The following NRAP variants were observed in gnomAD, a reference collection of about 807,000 sequenced individuals.
NRAP encodes nebulin related anchoring protein.
In NRAP, 189 loss-of-function variants were observed where a neutral mutation model predicts 225.9. The ratio of observed to expected loss-of-function variants is 0.84; its 90% CI spans 0.74 to 0.94. The LOEUF (loss-of-function observed/expected upper bound fraction) is 0.94, where lower values mean the gene tolerates loss of function less well. Ranked by LOEUF, NRAP falls within the 40% of genes least tolerant of loss-of-function variation. NRAP has a pLI of 0.00. For missense variants in NRAP, 2,176 were observed against 2,168.7 expected, an observed-to-expected ratio of 1.00 and a Z score of -0.07; for synonymous variants, 769 against 790.7, an observed-to-expected ratio of 0.97 and a Z score of 0.46.
At chr10:113,647,446 TCCC>T in intron 9 of NRAP, among the ~76,000 whole-genome samples, 2 of 149,530 alleles carry the variant, frequency 1.3e-5, no homozygotes, top group Admixed American at 1.3e-4. Flanking sequence ...TGGTACTGTC[TCCC>T]CCGGTGGTAC....
chr10:113,598,578 T>C (rs1222780292), intron 35 of NRAP, among the ~76,000 whole-genome samples: 2 of 152,114 alleles, frequency 1.3e-5, no homozygotes, highest in African/African-American at 2.4e-5. Flanking sequence ...ACAACCCCTC[T>C]GTTCTCATAA....
chr10:113,614,592 G>A (rs768845144), intron 28 of NRAP, among the ~76,000 whole-genome samples: 82 of 152,302 alleles, frequency 5.4e-4, no homozygotes, highest in Admixed American at 1.6e-3. Context: ...CACCTCGGTG[G>A]AGGGTGCATT....
intron 14 of NRAP, among the ~76,000 whole-genome samples, chr10:113,638,925 G>C (rs1849031989): frequency 6.6e-6 from 1 of 152,044 alleles, no homozygotes; most frequent in African/African-American, 2.4e-5. Context: ...TTGACTCAGA[G>C]TCTTATCTAG....
chr10:113,622,990 T>G (rs923798600), intron 23 of NRAP, among the ~76,000 whole-genome samples: 32 of 152,216 alleles, frequency 2.1e-4, no homozygotes, highest in African/African-American at 7.7e-4. Flanking sequence ...TTCTCTCACA[T>G]CCAACTCCTA....
intron 25 of NRAP, among the ~76,000 whole-genome samples, chr10:113,618,499 C>A (rs1297577917): frequency 2.0e-5 from 3 of 152,268 alleles, no homozygotes; most frequent in African/African-American, 7.2e-5. Flanking sequence ...CATTTTCCAG[C>A]TAGTTGTGAC....
chr10:113,633,783 C>T (rs1848704328), intron 15 of NRAP, among the ~76,000 whole-genome samples: 1 of 152,102 alleles, frequency 6.6e-6, no homozygotes, highest in Admixed American at 6.6e-5. Flanking sequence ...TTACAGATTA[C>T]ATTATACAAT....
chr10:113,634,255 A>G (rs2134053950), intron 14 of NRAP, 45 bp from the exon 15 acceptor site: 1 of 1,388,186 alleles, frequency 7.2e-7, no homozygotes, highest in Admixed American at 1.7e-5. Flanking sequence ...CTCTTTTCTC[A>G]AAGATTTGCT....
intron 41 of NRAP, 148 bp from the exon 42 acceptor site, chr10:113,589,227 G>A (rs1011768227): frequency 1.6e-6 from 1 of 626,860 alleles, no homozygotes; most frequent in Admixed American, 3.1e-5. Context: ...CCCTCCCCAA[G>A]AAAAAGGGCC....
chr10:113,634,897 C>T (rs981894288), intron 14 of NRAP, among the ~76,000 whole-genome samples: 4 of 152,220 alleles, frequency 2.6e-5, no homozygotes, highest in Non-Finnish European at 5.9e-5. Context: ...GCATCAGCGA[C>T]TCCTTGTAGG....
chr10:113,593,306 G>A (rs1215368448), intron 38 of NRAP, among the ~76,000 whole-genome samples: 8 of 152,138 alleles, frequency 5.3e-5, no homozygotes, highest in African/African-American at 1.7e-4. Context: ...GTTCTACGGG[G>A]GATTGGGGGG....
At chr10:113,593,096 C>G (rs1320515807) in intron 38 of NRAP, among the ~76,000 whole-genome samples, 1 of 151,986 alleles carries the variant, frequency 6.6e-6, no homozygotes, top group African/African-American at 2.4e-5. Flanking sequence ...AAGGAGGCAT[C>G]TGGAGATCCC....
At chr10:113,640,680 G>A (rs1231238965) in intron 13 of NRAP, among the ~76,000 whole-genome samples, 2 of 152,012 alleles carry the variant, frequency 1.3e-5, no homozygotes, top group Non-Finnish European at 2.9e-5. Context: ...AGAGTCTTCA[G>A]AGTATTTAAT....
At chr10:113,619,394 G>A (rs1383808908) in intron 25 of NRAP, among the ~76,000 whole-genome samples, 1 of 152,060 alleles carries the variant, frequency 6.6e-6, no homozygotes, top group African/African-American at 2.4e-5. Flanking sequence ...TTATAGCAGT[G>A]CTATCCCCAT....
In NRAP at chr10:113,660,376, T is replaced by A. The variant is rs112935876; in HGVS notation, c.255+2303A>T. Among the ~76,000 whole-genome samples, 124 of 152,064 alleles carry A rather than the reference T, an allele frequency of 8.2e-4. 1 individual carries two copies. Among genetic ancestry groups the A allele is most frequent in the Admixed American group, 2.2e-3 (33 of 15,256 alleles). ...CACACTCTCCGGATGCACACACACA[T>A]ATATATACACATATATATACACACA... On this transcript the variant is annotated intron_variant, in intron 3 of 41. Transcript: ENST00000359988.
Position 113,623,552 on chromosome 10 carries a change from C to A in NRAP, c.2434G>T (p.Ala812Ser), listed in dbSNP as rs1848119925. 1 of 1,613,666 alleles carries A rather than the reference C, an allele frequency of 6.2e-7. No homozygotes were observed. Among genetic ancestry groups the A allele is most frequent in the South Asian group, 1.1e-5 (1 of 91,036 alleles). ...LDSLTFLAAK[A>S]KRDLASEVKY... ...ACCTCGCTAGCCAGGTCCCTCTTGG[C>A]TTTGGCTGCCAGGAAGGTCAAGGAA... is the stretch of plus-strand genomic sequence containing the variant. Residue 812 changes from alanine to serine, a missense_variant, in exon 23 of 42, where the codon GCC becomes TCC. Around this residue, in one of 3 missense-constraint regions of NRAP, gnomAD observed 1,708 missense variants for 1,695.5 expected, o/e 1.01. Coordinates refer to ENST00000359988, the MANE Select transcript of NRAP (RefSeq NM_198060.4).
intron 14 of NRAP, among the ~76,000 whole-genome samples, chr10:113,639,091 C>CAAAAAAAAAAAAAAAAAA (rs60509891): frequency 8.6e-6 from 1 of 115,820 alleles, no homozygotes; most frequent in Non-Finnish European, 1.8e-5. Flanking sequence ...ATGTATATAG[C>CAAAAAAAAAAAAAAAAAA]AAAAAAAAAA....
chr10:113,644,954 TAGGGCATGAGA>T (rs1311239103), intron 11 of NRAP, among the ~76,000 whole-genome samples: 3 of 152,116 alleles, frequency 2.0e-5, no homozygotes, highest in African/African-American at 7.2e-5. Flanking sequence ...AAGAACACAC[TAGGGCATGAGA>T]AGGATATGAG....
chr10:113,663,713 C>A, intron 1 of NRAP, 98 bp downstream of exon 1: 1 of 885,502 alleles, frequency 1.1e-6, no homozygotes, highest in Non-Finnish European at 1.9e-6. Context: ...AACAATTTAA[C>A]TGAAAATTAA....
At chr10:113,614,337 T>C in intron 28 of NRAP, 41 bp from the exon 29 acceptor site, 1 of 1,328,394 alleles carries the variant, frequency 7.5e-7, no homozygotes, top group Non-Finnish European at 1.1e-6. Flanking sequence ...AGCTCAGGGA[T>C]AAGGGACACA....
Sources: allele counts gnomAD v4.1 joint callset (sites outside exome capture counted in the v4.1 genomes callset), GRCh38; gene constraint gnomAD v4.1.1; regional missense constraint gnomAD v4.1.1; transcripts MANE v1.5; gene names NCBI Gene and HGNC (gene_info 2026-07-23, HGNC 2026-07-21).